SMG1: variants seen among roughly 807,000 people sequenced by gnomAD.
SMG1 encodes serine/threonine-protein kinase SMG1.
Under a neutral mutation model 419.9 loss-of-function variants are expected in SMG1, and 22 were observed. The ratio of observed to expected loss-of-function variants is 0.05; its 90% CI spans 0.04 to 0.07. SMG1 has a LOEUF of 0.07. Among genes scored for constraint, SMG1 ranks in the 10% least tolerant of loss-of-function variants. The pLI, the probability that SMG1 is intolerant of heterozygous loss-of-function variation, is 1.00. For synonymous variants in SMG1, 1,538 were observed against 1,553.5 expected (o/e 0.99, Z 0.23); for missense variants, 3,185 against 4,342.0 (o/e 0.73, Z 7.49).
chr16:18,895,108 C>T (rs956602822), intron 3 of SMG1, among the ~76,000 whole-genome samples: 11 of 152,156 alleles, frequency 7.2e-5, no homozygotes, highest in African/African-American at 2.2e-4. Flanking sequence ...GGAGCCACTG[C>T]ACCTGGCCAA....
At chr16:18,905,174 C>A (rs986681037) in intron 1 of SMG1, among the ~76,000 whole-genome samples, 1 of 151,966 alleles carries the variant, frequency 6.6e-6, no homozygotes, top group Non-Finnish European at 1.5e-5. Context: ...AGCAGGAGAA[C>A]CACTTGAACC....
chr16:18,859,281 T>A lies in SMG1; in HGVS notation c.3954-100A>T, dbSNP rs2035084828. The stretch of plus-strand genomic sequence containing the variant: ...GATGCTATCAAACTGACATCCAAAG[T>A]TAGGGGGCAGTAAGAGGAGCAGCCT... On this transcript the variant is annotated intron_variant, in intron 27 of 62. Coordinates refer to ENST00000446231, the MANE Select transcript of SMG1 (RefSeq NM_015092.5). The A allele has an allele frequency of 3.3e-5, 28 of 852,528 alleles. No homozygotes were observed. The South Asian group carries it at 4.6e-4, about 14-fold the overall frequency. 52.8% of individuals were successfully genotyped at this position (852,528 alleles called of 1,614,324 possible). A position where few individuals can be genotyped will look rare whatever the true frequency, so the allele number is the denominator to read the frequency against.
At chr16:18,877,028 T>C in intron 12 of SMG1, 103 bp downstream of exon 12, 1 of 792,964 alleles carries the variant, frequency 1.3e-6, no homozygotes. Context: ...AATCAAACAT[T>C]TCACATTTCA....
chr16:18,829,107 A>G (rs2032975848), intron 54 of SMG1, among the ~76,000 whole-genome samples, 179 bp downstream of exon 54: 1 of 152,242 alleles, frequency 6.6e-6, no homozygotes, highest in South Asian at 2.1e-4. Context: ...TCAACTATAC[A>G]GAAGAGAAAC....
At chr16:18,832,582 G>GCACACA (rs3222694) in intron 51 of SMG1, among the ~76,000 whole-genome samples, 1,499 of 148,374 alleles carry the variant, frequency 0.01, 22 homozygotes, top group African/African-American at 0.034. Flanking sequence ...CTATACACTT[G>GCACACA]CACACACACA....
intron 1 of SMG1, among the ~76,000 whole-genome samples, chr16:18,902,065 T>C (rs893786011): frequency 3.9e-5 from 6 of 151,988 alleles, no homozygotes; most frequent in South Asian, 2.1e-4. Flanking sequence ...ATGGATCAGC[T>C]TGACCTCCAG....
chr16:18,817,555 A>C, intron 56 of SMG1, 85 bp from the exon 57 acceptor site: 2 of 1,108,268 alleles, frequency 1.8e-6, no homozygotes, highest in Non-Finnish European at 2.5e-6. Context: ...AAAAAATACT[A>C]CTTCCTCATT....
chr16:18,841,686 T>C lies in SMG1; in HGVS notation c.6575A>G (p.His2192Arg), dbSNP rs770111817. ...TGTTCCTAGTGGTGTTACAGAATAGTGTCGAGCATGGAACCGGGGTGTTTC... is the reference window on the plus strand; with the variant it reads ...TGTTCCTAGTGGTGTTACAGAATAGCGTCGAGCATGGAACCGGGGTGTTTC... ...RQETPRFHAR[H>R]YSVTPLGTRS... Residue 2192 changes from histidine to arginine, a missense_variant, in exon 41 of 63, where the codon CAC becomes CGC. This residue lies in a region of SMG1 where 35 missense variants were observed against 33.8 expected (regional missense o/e 1.04). Transcript: ENST00000446231. 1.9e-6 allele frequency: 3 copies of C among 1,613,992 alleles called. No individual in the cohort carries two copies. Among genetic ancestry groups the C allele is most frequent in the Non-Finnish European group, 2.5e-6 (3 of 1,179,882 alleles).
intron 3 of SMG1, among the ~76,000 whole-genome samples, chr16:18,894,571 A>C (rs1197692139): frequency 6.6e-6 from 1 of 152,032 alleles, no homozygotes; most frequent in African/African-American, 2.4e-5. Context: ...AATTCATTCC[A>C]CTTGTGAAAA....
At chr16:18,837,953 T>G in intron 45 of SMG1, 61 bp downstream of exon 45, 3 of 1,530,174 alleles carry the variant, frequency 2.0e-6, no homozygotes, top group South Asian at 2.3e-5. Flanking sequence ...AACATTTTGA[T>G]GAGCATGTTT....
chr16:18,893,603 G>A (rs1430789404), intron 3 of SMG1, among the ~76,000 whole-genome samples: 1 of 152,070 alleles, frequency 6.6e-6, no homozygotes, highest in African/African-American at 2.4e-5. Flanking sequence ...CTGGGTGACA[G>A]AGCGAGACTG....
chr16:18,848,597 C>T (rs1041303896), intron 36 of SMG1, among the ~76,000 whole-genome samples: 23 of 151,972 alleles, frequency 1.5e-4, no homozygotes, highest in African/African-American at 4.8e-4. Flanking sequence ...CGAGTCACTG[C>T]TCCTGGCCAA....
chr16:18,853,363 A>G (rs1370416945), intron 31 of SMG1, among the ~76,000 whole-genome samples: 1 of 152,200 alleles, frequency 6.6e-6, no homozygotes, highest in Non-Finnish European at 1.5e-5. Flanking sequence ...AAAAACATCT[A>G]AGTCCATAAA....
chr16:18,836,031 C>A lies in SMG1; in HGVS notation c.7959G>T (p.Lys2653Asn). Residue 2653 changes from lysine (K) to asparagine (N), a missense_variant, in exon 48 of 63, where the codon AAG becomes AAT. Physicochemically the swap from Lys to Asn is moderately conservative, Grantham distance 94. Coordinates refer to ENST00000446231, the MANE Select transcript of SMG1 (RefSeq NM_015092.5). ...HYATVALQYP[K>N]AIFQKHRIEQ... The stretch of plus-strand genomic sequence containing the variant: ...CAATTCGATGTTTCTGAAATATGGC[C>A]TTCGGATACTGCAGGGCCACGGTTG... 1 of 1,583,494 alleles carries A rather than the reference C, an allele frequency of 6.3e-7. No individual in the cohort carries two copies. The highest frequency in any genetic ancestry group is 2.3e-5 in the East Asian group (1 of 43,360).
At chr16:18,845,844 T>C (rs2606544) in intron 38 of SMG1, among the ~76,000 whole-genome samples, 193 bp from the exon 39 acceptor site, 13,496 of 151,672 alleles carry the variant, frequency 0.089, 733 homozygotes, top group African/African-American at 0.16. Context: ...GGAGACAGAG[T>C]TTTGCTCTGT....
Position 18,869,206 on chromosome 16 carries a change from C to T in SMG1, c.2731G>A (p.Val911Ile), listed in dbSNP as rs1286758282. Residue 911 changes from valine (V) to isoleucine (I), a missense_variant, in exon 20 of 63, where the codon GTC becomes ATC. Physicochemically the swap from Val to Ile is conservative, Grantham distance 29. Transcript: ENST00000446231. ...TCCCATATGGCCCACTGCCAAAGGACAGCATCTGTCTTCAGGAGATTGCGT... is the reference window on the plus strand; with the variant it reads ...TCCCATATGGCCCACTGCCAAAGGATAGCATCTGTCTTCAGGAGATTGCGT... ...IPRNLLKTDA[V>I]LWQWAIWEAA... The T allele has an allele frequency of 4.3e-6, 7 of 1,611,774 alleles. No homozygotes were observed. Among genetic ancestry groups the T allele is most frequent in the East Asian group, 4.5e-5 (2 of 44,874 alleles).
intron 1 of SMG1, chr16:18,900,137 C>T (rs1360014547): frequency 1.5e-6 from 1 of 666,864 alleles, no homozygotes; most frequent in Non-Finnish European, 2.6e-6. Flanking sequence ...AGTTAGGTGC[C>T]TTTAGTTGAA....
chr16:18,925,737 C>G, intron 1 of SMG1: 1 of 432,888 alleles, frequency 2.3e-6, no homozygotes, highest in South Asian at 4.4e-5. Flanking sequence ...TCGGCTCCAG[C>G]CCCGGGCTGA....
At chr16:18,811,499 C>A (rs1472193299) in intron 62 of SMG1, among the ~76,000 whole-genome samples, 1 of 152,158 alleles carries the variant, frequency 6.6e-6, no homozygotes, top group Non-Finnish European at 1.5e-5. Context: ...TGGAAACTAA[C>A]TGTAGTCTGG....
Sources: allele counts gnomAD v4.1 joint callset (sites outside exome capture counted in the v4.1 genomes callset), GRCh38; gene constraint gnomAD v4.1.1; regional missense constraint gnomAD v4.1.1; transcripts MANE v1.5; gene names NCBI Gene and HGNC (gene_info 2026-07-23, HGNC 2026-07-21).